Variants in GLG1 observed in about 807,000 individuals in gnomAD.
The protein encoded by GLG1 is golgi glycoprotein 1.
A neutral mutation model predicts 160.5 loss-of-function variants in GLG1; 38 were observed. That is an observed-to-expected ratio of 0.24 (90% CI 0.18 to 0.31). GLG1 has a LOEUF of 0.31. Ranked by LOEUF, GLG1 falls within the 10% of genes least tolerant of loss-of-function variation. The probability of loss-of-function intolerance (pLI) is 1.00; values close to 1 mark genes in which losing one functional copy is unlikely to be tolerated. For missense variants in GLG1, 1,373 were observed against 1,505.2 expected, an observed-to-expected ratio of 0.91 and a Z score of 1.45; for synonymous variants, 644 against 543.4, an observed-to-expected ratio of 1.19 and a Z score of -2.57.
rs566150859 is a variant in GLG1 at position 74,529,141 on chromosome 16, A to G, written c.471+2980T>C. On this transcript the variant is annotated intron_variant, in intron 2 of 25. Transcript: ENST00000422840. ...GCCACCACACCCAGCTGATTTTGTA[A>G]TTTTTAGTAGATATGGGGTTTTTTA... Among the ~76,000 whole-genome samples the G allele has an allele frequency of 2.6e-5, 4 of 151,664 alleles. No homozygotes were observed. In the South Asian group the frequency reaches 8.4e-4, roughly 32 times the overall value.
chr16:74,469,316 G>T, intron 16 of GLG1: 1 of 524,348 alleles, frequency 1.9e-6, no homozygotes, highest in Non-Finnish European at 3.4e-6. Flanking sequence ...GGGCACATGT[G>T]TGCAACGACA....
chr16:74,562,923 G>A (rs2018548365), intron 1 of GLG1, among the ~76,000 whole-genome samples: 1 of 152,088 alleles, frequency 6.6e-6, no homozygotes, highest in Non-Finnish European at 1.5e-5. Context: ...TCAAACACTG[G>A]GTCAATTGAT....
chr16:74,590,000 T>TTGC (rs1958137007), intron 1 of GLG1, among the ~76,000 whole-genome samples: 1 of 151,342 alleles, frequency 6.6e-6, no homozygotes, highest in African/African-American at 2.4e-5. Flanking sequence ...TTCACTTTTG[T>TTGC]TGTTGTTGTT....
chr16:74,529,026 G>T (rs1241293790), intron 2 of GLG1, among the ~76,000 whole-genome samples: 1 of 150,686 alleles, frequency 6.6e-6, no homozygotes, highest in Admixed American at 6.6e-5. Flanking sequence ...GAGTGCAGTG[G>T]TACGATAGTG....
intron 2 of GLG1, among the ~76,000 whole-genome samples, chr16:74,524,071 G>C (rs1268994452): frequency 6.6e-6 from 1 of 152,068 alleles, no homozygotes; most frequent in Admixed American, 6.6e-5. Flanking sequence ...AAACTAGCTG[G>C]GTGTGGTATG....
chr16:74,528,628 A>C (rs1292797105), intron 2 of GLG1, among the ~76,000 whole-genome samples: 8 of 151,702 alleles, frequency 5.3e-5, no homozygotes, highest in Non-Finnish European at 1.2e-4. Flanking sequence ...CCTGACCAAC[A>C]TGGTGAAACC....
intron 3 of GLG1, among the ~76,000 whole-genome samples, chr16:74,507,725 G>T (rs2016662799): frequency 6.6e-6 from 1 of 151,476 alleles, no homozygotes; most frequent in South Asian, 2.1e-4. Flanking sequence ...GACAGAGCAA[G>T]ACTCCATCTC....
At chr16:74,589,796 G>C (rs1368205236) in intron 1 of GLG1, among the ~76,000 whole-genome samples, 2 of 152,242 alleles carry the variant, frequency 1.3e-5, no homozygotes, top group East Asian at 1.9e-4. Context: ...TCTTGGCCGA[G>C]CACGGTGGTA....
chr16:74,482,399 G>C (rs1024558024), intron 10 of GLG1, among the ~76,000 whole-genome samples: 1 of 152,210 alleles, frequency 6.6e-6, no homozygotes, highest in Non-Finnish European at 1.5e-5. Flanking sequence ...GTTGGATCCA[G>C]CACTGGCTGC....
chr16:74,469,183 C>T (rs1003149421), intron 16 of GLG1, 120 bp from the exon 17 acceptor site: 19 of 688,838 alleles, frequency 2.8e-5, no homozygotes, highest in Non-Finnish European at 4.7e-5. Flanking sequence ...GAATGTCTTT[C>T]CTGTAAGGCT....
chr16:74,485,508 T>C (rs1315919767), intron 9 of GLG1, among the ~76,000 whole-genome samples: 1 of 152,242 alleles, frequency 6.6e-6, no homozygotes. Context: ...TTTAATTTGA[T>C]CGTGATATAA....
intron 18 of GLG1, among the ~76,000 whole-genome samples, chr16:74,467,043 C>T (rs1000551379): frequency 1.3e-5 from 2 of 152,188 alleles, no homozygotes; most frequent in Non-Finnish European, 1.5e-5. Flanking sequence ...AAAACAAAAA[C>T]CATACCTAAC....
intron 2 of GLG1, among the ~76,000 whole-genome samples, chr16:74,523,617 T>C (rs1424812287): frequency 6.6e-6 from 1 of 152,152 alleles, no homozygotes; most frequent in Non-Finnish European, 1.5e-5. Flanking sequence ...CTTAATAATA[T>C]TTTACACTTA....
chr16:74,524,031 G>T (rs1597306543), intron 2 of GLG1, among the ~76,000 whole-genome samples: 1 of 152,054 alleles, frequency 6.6e-6, no homozygotes, highest in Admixed American at 6.6e-5. Context: ...TGGCCAACAT[G>T]GTAAAACCCC....
At chr16:74,465,204 C>T (rs1220933095) in intron 19 of GLG1, among the ~76,000 whole-genome samples, 2 of 152,194 alleles carry the variant, frequency 1.3e-5, no homozygotes, top group African/African-American at 4.8e-5. Flanking sequence ...CAGGTCAGCC[C>T]TGCTGCAGGG....
chr16:74,560,906 A>T (rs1281185844), intron 1 of GLG1, among the ~76,000 whole-genome samples: 1 of 152,230 alleles, frequency 6.6e-6, no homozygotes, highest in African/African-American at 2.4e-5. Context: ...AAAGTAAGAT[A>T]TGTTTTTGTA....
chr16:74,589,842 C>A (rs890331578), intron 1 of GLG1, among the ~76,000 whole-genome samples: 4 of 152,148 alleles, frequency 2.6e-5, no homozygotes, highest in Admixed American at 6.6e-5. Flanking sequence ...GAGGCTGAGG[C>A]AGGAGAATTG....
chr16:74,535,882 A>G (rs2017673885), intron 1 of GLG1, among the ~76,000 whole-genome samples: 1 of 152,202 alleles, frequency 6.6e-6, no homozygotes, highest in African/African-American at 2.4e-5. Flanking sequence ...AATTAATTTC[A>G]GAAATTTAGA....
At chr16:74,559,488 G>C (rs971637389) in intron 1 of GLG1, among the ~76,000 whole-genome samples, 5 of 151,674 alleles carry the variant, frequency 3.3e-5, no homozygotes, top group South Asian at 2.1e-4. Context: ...GCGATGGGGG[G>C]GCAGGGGACA....
Sources: allele counts gnomAD v4.1 joint callset (sites outside exome capture counted in the v4.1 genomes callset), GRCh38; gene constraint gnomAD v4.1.1; transcripts MANE v1.5; gene names NCBI Gene and HGNC (gene_info 2026-07-23, HGNC 2026-07-21).